Variants in NALCN observed in about 807,000 individuals in gnomAD.
NALCN encodes sodium leak channel, non-selective.
NALCN carries 111 observed loss-of-function variants against 225.3 expected under a neutral mutation model. The observed-to-expected ratio is 0.49, with a 90% CI of 0.42 to 0.58. The LOEUF (loss-of-function observed/expected upper bound fraction) is 0.58. NALCN is among the 20% of genes least tolerant of loss of function. The pLI, the probability that NALCN is intolerant of heterozygous loss-of-function variation, is 0.00. For synonymous variants in NALCN, 764 were observed against 769.0 expected, an observed-to-expected ratio of 0.99 and a Z score of 0.11; for missense variants, 1,378 against 2,202.4, an observed-to-expected ratio of 0.63 and a Z score of 7.49.
intron 1 of NALCN, among the ~76,000 whole-genome samples, chr13:101,406,804 T>C (rs1594794063): frequency 6.6e-6 from 1 of 152,344 alleles, no homozygotes; most frequent in East Asian, 1.9e-4. Flanking sequence ...CATTATTTTT[T>C]TCTCTAAATT....
chr13:101,345,864 T>C (rs1426730122), intron 6 of NALCN, among the ~76,000 whole-genome samples: 2 of 145,858 alleles, frequency 1.4e-5, no homozygotes, highest in Non-Finnish European at 3.0e-5. Context: ...GCATTGTTGA[T>C]GAGGTTAATA....
rs145977012 is a variant in NALCN at position 101,199,185 on chromosome 13, T to C, written c.1627-7131A>G. On this transcript the variant is annotated intron_variant, in intron 13 of 43. Transcript: ENST00000251127. ...GTATAGCATTAGGAGATATAGCTAA[T>C]GTAAATGACAAGTTAATGGGTACAG... Among the ~76,000 whole-genome samples, 716 of 151,868 alleles carry C rather than the reference T, an allele frequency of 4.7e-3. 6 individuals are homozygous for C. Among genetic ancestry groups the C allele is most frequent in the African/African-American group, 0.017 (697 of 41,384 alleles).
intron 13 of NALCN, among the ~76,000 whole-genome samples, chr13:101,209,189 C>A (rs915514385): frequency 2.0e-5 from 3 of 152,204 alleles, no homozygotes; most frequent in Middle Eastern, 3.4e-3. Context: ...GTATACCCAT[C>A]CATCTCTCCA....
intron 1 of NALCN, among the ~76,000 whole-genome samples, chr13:101,412,814 G>C (rs1234140553): frequency 6.6e-6 from 1 of 152,148 alleles, no homozygotes; most frequent in Non-Finnish European, 1.5e-5. Context: ...AAGCCCTTTT[G>C]ATCATTTACT....
At chr13:101,082,917 C>A in intron 32 of NALCN, 34 bp from the exon 33 acceptor site, 1 of 1,611,106 alleles carries the variant, frequency 6.2e-7, no homozygotes. Flanking sequence ...TCGTTGCCCA[C>A]GTCCATCGGA....
chr13:101,129,769 C>T lies in NALCN; in HGVS notation c.2119-5088G>A, dbSNP rs184842009. Among the ~76,000 whole-genome samples the T allele has an allele frequency of 1.4e-4, 21 of 149,190 alleles. No individual in the cohort carries two copies. In the South Asian group the frequency reaches 4.0e-3, roughly 28 times the overall value. On this transcript the variant is annotated intron_variant, in intron 17 of 43. Transcript: ENST00000251127. The stretch of plus-strand genomic sequence containing the variant: ...TAAGTTCTGGGGTACATGAGCAGAA[C>T]GTGCAGGTTTGTTACGTAGGTATGC...
chr13:101,217,618 A>G (rs1221807774), intron 13 of NALCN, among the ~76,000 whole-genome samples: 1 of 152,120 alleles, frequency 6.6e-6, no homozygotes, highest in African/African-American at 2.4e-5. Context: ...CCCACTGCAC[A>G]GTGTTAAGTG....
chr13:101,327,265 A>G (rs2139218382), intron 7 of NALCN, among the ~76,000 whole-genome samples: 1 of 152,282 alleles, frequency 6.6e-6, no homozygotes, highest in East Asian at 1.9e-4. Context: ...ATTTTAACAA[A>G]TGATAGTTTA....
intron 15 of NALCN, among the ~76,000 whole-genome samples, chr13:101,150,133 C>T (rs939656739): frequency 1.1e-4 from 15 of 139,404 alleles, no homozygotes; most frequent in African/African-American, 1.6e-4. Context: ...GGGAGCCAGA[C>T]GCAACAACAG....
chr13:101,067,227 G>A (rs1177662375), intron 39 of NALCN, among the ~76,000 whole-genome samples: 1 of 143,042 alleles, frequency 7.0e-6, no homozygotes, highest in Non-Finnish European at 1.5e-5. Context: ...AAGGGGTAGA[G>A]GAGGAGGAGG....
At chr13:101,069,977 A>G (rs593448) in intron 37 of NALCN, among the ~76,000 whole-genome samples, 1 of 151,674 alleles carries the variant, frequency 6.6e-6, no homozygotes, top group African/African-American at 2.4e-5. Flanking sequence ...GAACCCCTCA[A>G]AGTCATCCAT....
At position 101,294,773 on chromosome 13, in the gene NALCN, G is replaced by A. The variant is rs1176235733; in HGVS notation, c.800-2407C>T. 1.3e-5 allele frequency among the ~76,000 whole-genome samples: 2 copies of A among 152,036 alleles called. 1 individual carries two copies. Among genetic ancestry groups the A allele is most frequent in the Non-Finnish European group, 2.9e-5 (2 of 67,998 alleles). On this transcript the variant is annotated intron_variant, in intron 7 of 43. Coordinates refer to ENST00000251127, the MANE Select transcript of NALCN (RefSeq NM_052867.4). ...TAATTCTTTAACATAATATCTGTATGCAGAAGTACAGTATACAGAGATAAG... is the reference window on the plus strand; with the variant it reads ...TAATTCTTTAACATAATATCTGTATACAGAAGTACAGTATACAGAGATAAG...
intron 6 of NALCN, among the ~76,000 whole-genome samples, chr13:101,352,665 T>G (rs562948447): frequency 5.3e-5 from 8 of 152,136 alleles, no homozygotes; most frequent in Non-Finnish European, 1.2e-4. Flanking sequence ...TGATGCAGCA[T>G]GAGCTGATTA....
At chr13:101,234,204 G>C (rs2041464366) in intron 12 of NALCN, among the ~76,000 whole-genome samples, 1 of 152,098 alleles carries the variant, frequency 6.6e-6, no homozygotes. Context: ...GTACTTCTTT[G>C]TGAACTGTTT....
intron 6 of NALCN, chr13:101,372,988 T>G: frequency 3.6e-6 from 1 of 274,762 alleles, no homozygotes; most frequent in Non-Finnish European, 7.3e-6. Context: ...AATGGCTTAT[T>G]ACCACTATTC....
rs372040900 is a variant in NALCN, at chr13:101,089,839, C to T, written c.3390+7G>A. On this transcript the variant is annotated splice_region_variant and intron_variant, in intron 29 of 43. Coordinates refer to ENST00000251127, the MANE Select transcript of NALCN (RefSeq NM_052867.4). The surrounding 1 kb of genome is among the most constrained non-coding windows in gnomAD (Gnocchi z 4.7). Reference sequence around the variant, plus strand: ...AAGTGTTCAAAGGATTCGATGTGCTCGCTTACCGGCCCCACACGATGAATA... The same window carrying T: ...AAGTGTTCAAAGGATTCGATGTGCTTGCTTACCGGCCCCACACGATGAATA... The T allele has an allele frequency of 1.9e-5, 30 of 1,613,882 alleles. 1 individual carries two copies. In the East Asian group the frequency reaches 4.0e-4, roughly 22 times the overall value.
chr13:101,115,377 G>A (rs1405826553), intron 18 of NALCN, among the ~76,000 whole-genome samples: 2 of 152,184 alleles, frequency 1.3e-5, no homozygotes, highest in East Asian at 1.9e-4. Flanking sequence ...GCTGTAGCAG[G>A]TGAACTTAGT....
intron 22 of NALCN, among the ~76,000 whole-genome samples, chr13:101,106,832 AG>A (rs2035138461): frequency 6.6e-6 from 1 of 152,166 alleles, no homozygotes; most frequent in African/African-American, 2.4e-5. Context: ...ACCCAGTCTC[AG>A]GTATGTCTTT....
chr13:101,179,765 C>T (rs2039116417), intron 14 of NALCN, among the ~76,000 whole-genome samples: 2 of 152,106 alleles, frequency 1.3e-5, no homozygotes, highest in African/African-American at 2.4e-5. Context: ...ACACCGTGCA[C>T]GGAGTTGGTA....
Sources: allele counts gnomAD v4.1 joint callset (sites outside exome capture counted in the v4.1 genomes callset), GRCh38; gene constraint gnomAD v4.1.1; non-coding constraint Gnocchi (gnomAD v3.1); transcripts MANE v1.5; gene names NCBI Gene and HGNC (gene_info 2026-07-23, HGNC 2026-07-21).